Variants in DPYD observed in about 807,000 individuals in gnomAD.
DPYD encodes the protein dihydropyrimidine dehydrogenase [NADP(+)].
DPYD carries 109 observed loss-of-function variants against 116.2 expected under a neutral mutation model. The observed-to-expected ratio is 0.94, with a 90% CI of 0.80 to 1.10. The LOEUF (loss-of-function observed/expected upper bound fraction) is 1.10, where lower values mean the gene tolerates loss of function less well. DPYD is among the 50% of genes least tolerant of loss of function. The pLI is 0.00. For missense variants in DPYD, 1,302 were observed against 1,254.5 expected, an observed-to-expected ratio of 1.04 and a Z score of -0.57; for synonymous variants, 440 against 432.0, an observed-to-expected ratio of 1.02 and a Z score of -0.23.
Position 97,563,246 on chromosome 1 carries a change from T to C in DPYD, c.1339+10514A>G, listed in dbSNP as rs116498910. 8.6e-3 allele frequency among the ~76,000 whole-genome samples: 1,309 copies of C among 152,316 alleles called. 20 individuals are homozygous for C. Among genetic ancestry groups the C allele is most frequent in the African/African-American group, 0.029 (1,207 of 41,550 alleles). On this transcript the variant is annotated intron_variant, in intron 11 of 22. Coordinates refer to ENST00000370192, the MANE Select transcript of DPYD (RefSeq NM_000110.4). ...CAGCGGCTTAGTTTTAGTTTAACAT[T>C]TCACCAGCATGTTAGGTTTCAGAAT...
intron 2 of DPYD, among the ~76,000 whole-genome samples, chr1:97,829,755 C>CT (rs1047663808): frequency 2.0e-4 from 29 of 148,256 alleles, no homozygotes; most frequent in African/African-American, 3.0e-4. Flanking sequence ...TTTTTTATTT[C>CT]TTTTTTTTTT....
At chr1:97,866,967 G>C (rs61787785) in intron 2 of DPYD, among the ~76,000 whole-genome samples, 15,990 of 151,778 alleles carry the variant, frequency 0.11, 1,128 homozygotes, top group Non-Finnish European at 0.14. Context: ...GCTATAATAG[G>C]ACCAGGTTTT....
chr1:97,387,132 A>G (rs535395756), intron 14 of DPYD, among the ~76,000 whole-genome samples: 81 of 152,254 alleles, frequency 5.3e-4, no homozygotes, highest in Non-Finnish European at 1.1e-3. Flanking sequence ...TTTATGGCTC[A>G]TATTTTAAAA....
chr1:97,481,954 T>G (rs1023550916), intron 13 of DPYD, among the ~76,000 whole-genome samples: 23 of 152,176 alleles, frequency 1.5e-4, no homozygotes, highest in African/African-American at 4.6e-4. Flanking sequence ...AATGCACTGA[T>G]AGTAGATTAT....
At chr1:97,487,743 A>T (rs1044304982) in intron 13 of DPYD, among the ~76,000 whole-genome samples, 5 of 152,186 alleles carry the variant, frequency 3.3e-5, no homozygotes, top group African/African-American at 1.2e-4. Context: ...TGCTAAAATA[A>T]TTTTTAAAAA....
At chr1:97,669,497 A>T (rs749474402) in intron 8 of DPYD, among the ~76,000 whole-genome samples, 1 of 152,196 alleles carries the variant, frequency 6.6e-6, no homozygotes, top group Non-Finnish European at 1.5e-5. Flanking sequence ...CAAAGGCAAG[A>T]TCTGAAGAAA....
At chr1:97,221,484 TGG>T (rs1660766690) in intron 19 of DPYD, among the ~76,000 whole-genome samples, 1 of 152,072 alleles carries the variant, frequency 6.6e-6, no homozygotes, top group Non-Finnish European at 1.5e-5. Context: ...AATTAACATA[TGG>T]AAAAGGCTTT....
At chr1:97,629,285 T>C (rs1657114930) in intron 8 of DPYD, among the ~76,000 whole-genome samples, 1 of 151,984 alleles carries the variant, frequency 6.6e-6, no homozygotes, top group Non-Finnish European at 1.5e-5. Flanking sequence ...AGTGGAAGTA[T>C]TTATTTGGGA....
intron 20 of DPYD, among the ~76,000 whole-genome samples, chr1:97,189,577 GTGCC>G (rs1658219252): frequency 6.6e-6 from 1 of 152,084 alleles, no homozygotes; most frequent in Non-Finnish European, 1.5e-5. Flanking sequence ...ATAATTAAAA[GTGCC>G]AAATAGTAAT....
intron 20 of DPYD, among the ~76,000 whole-genome samples, chr1:97,153,104 T>C (rs1357228404): frequency 6.6e-6 from 1 of 152,138 alleles, no homozygotes; most frequent in Non-Finnish European, 1.5e-5. Flanking sequence ...AGTAGAGGCA[T>C]TCTTTGGTCA....
At chr1:97,102,512 C>CGT (rs36153065) in intron 20 of DPYD, among the ~76,000 whole-genome samples, 2 of 144,626 alleles carry the variant, frequency 1.4e-5, no homozygotes, top group African/African-American at 2.5e-5. Context: ...ATACCTATTT[C>CGT]GTGTGTGTGT....
intron 20 of DPYD, among the ~76,000 whole-genome samples, chr1:97,137,967 G>A (rs1451816614): frequency 6.6e-6 from 1 of 152,064 alleles, no homozygotes; most frequent in Non-Finnish European, 1.5e-5. Flanking sequence ...TTGTCACACC[G>A]AGGCTGATAT....
At chr1:97,432,265 T>G (rs2101733627) in intron 14 of DPYD, among the ~76,000 whole-genome samples, 1 of 152,180 alleles carries the variant, frequency 6.6e-6, no homozygotes, top group East Asian at 1.9e-4. Flanking sequence ...TTTTAGCTTT[T>G]TTAGAGCCCT....
intron 20 of DPYD, among the ~76,000 whole-genome samples, chr1:97,101,770 A>C (rs1650706544): frequency 6.6e-6 from 1 of 152,038 alleles, no homozygotes; most frequent in Non-Finnish European, 1.5e-5. Context: ...TTTGAGCGTC[A>C]TGCTATATTT....
intron 14 of DPYD, among the ~76,000 whole-genome samples, chr1:97,408,033 T>C (rs1673773866): frequency 6.6e-6 from 1 of 152,104 alleles, no homozygotes; most frequent in African/African-American, 2.4e-5. Context: ...ATAAGGAAGA[T>C]TATGCATGGA....
intron 5 of DPYD, among the ~76,000 whole-genome samples, chr1:97,707,353 T>G (rs1174338725): frequency 6.6e-6 from 1 of 151,976 alleles, no homozygotes; most frequent in Non-Finnish European, 1.5e-5. Context: ...GCAGGTCAGT[T>G]ACATACGTAT....
intron 14 of DPYD, among the ~76,000 whole-genome samples, chr1:97,405,221 T>C (rs1035044688): frequency 2.6e-5 from 4 of 152,120 alleles, no homozygotes; most frequent in African/African-American, 9.6e-5. Context: ...TGTTATTAGA[T>C]CAATTAGGAG....
intron 13 of DPYD, among the ~76,000 whole-genome samples, chr1:97,480,511 T>C (rs185722384): frequency 1.4e-4 from 21 of 152,336 alleles, no homozygotes; most frequent in African/African-American, 5.1e-4. Context: ...TTCGGAAGCA[T>C]GAATTTACAA....
chr1:97,445,472 G>A (rs960729397), intron 14 of DPYD, among the ~76,000 whole-genome samples: 3 of 151,972 alleles, frequency 2.0e-5, no homozygotes, highest in African/African-American at 4.8e-5. Context: ...AAATGTTAAG[G>A]CCCCTTCATG....
Sources: gnomAD v4.1 joint callset for allele counts (sites outside exome capture counted in the v4.1 genomes callset) on GRCh38, gnomAD v4.1.1 for gene constraint, MANE v1.5 for transcripts, NCBI Gene and HGNC (gene_info 2026-07-23, HGNC 2026-07-21) for gene names.